The following MYO9A variants were observed in gnomAD, a reference collection of about 807,000 sequenced individuals.
MYO9A encodes unconventional myosin-IXa.
In MYO9A, 103 loss-of-function variants were observed where a neutral mutation model predicts 293.3. That is an observed-to-expected ratio of 0.35 (90% confidence interval 0.30 to 0.41). The LOEUF (loss-of-function observed/expected upper bound fraction) is 0.41, where lower values mean the gene tolerates loss of function less well. Ranked by LOEUF, MYO9A falls within the 10% of genes least tolerant of loss-of-function variation. The probability of loss-of-function intolerance (pLI) is 1.00; values close to 1 mark genes in which losing one functional copy is unlikely to be tolerated. For synonymous variants in MYO9A, 1,001 were observed against 1,035.7 expected, an observed-to-expected ratio of 0.97 and a Z score of 0.64; for missense variants, 2,685 against 3,033.0, an observed-to-expected ratio of 0.89 and a Z score of 2.69.
chr15:72,064,471 T>C (rs1342716349), intron 1 of MYO9A, among the ~76,000 whole-genome samples: 1 of 152,110 alleles, frequency 6.6e-6, no homozygotes, highest in Non-Finnish European at 1.5e-5. Context: ...AATTAAAGTT[T>C]TAAAAAGCAT....
intron 27 of MYO9A, among the ~76,000 whole-genome samples, chr15:71,886,194 TAAAA>T (rs34921688): frequency 7.1e-5 from 9 of 127,158 alleles, no homozygotes; most frequent in Admixed American, 7.9e-5. Context: ...TAAAGTAGGG[TAAAA>T]AAAAAAAAAA....
At chr15:71,934,794 T>TTTTTTTTTTTTTTTTTTTTTTTG (rs2058587723) in intron 17 of MYO9A, among the ~76,000 whole-genome samples, 1 of 138,454 alleles carries the variant, frequency 7.2e-6, no homozygotes, top group African/African-American at 2.7e-5. Flanking sequence ...TTCTTTTTTT[T>TTTTTTTTTTTTTTTTTTTTTTTG]TTTTTTTTTT....
intron 39 of MYO9A, among the ~76,000 whole-genome samples, chr15:71,831,785 C>T (rs762173831): frequency 5.3e-5 from 8 of 151,978 alleles, no homozygotes; most frequent in Non-Finnish European, 1.0e-4. Flanking sequence ...GGAGACAGGA[C>T]AATGTAAATG....
chr15:71,899,842 C>T lies in MYO9A; in HGVS notation c.3315G>A (p.Gln1105=). The change falls in exon 24 of 42, where the codon CAG becomes CAA. Residue 1105 remains glutamine, a synonymous_variant. Coordinates refer to ENST00000356056, the MANE Select transcript of MYO9A (RefSeq NM_006901.4). Reference sequence around the variant, plus strand: ...GCCTATAGTAATCTCTCCATTTCTGCTGGATAACGATGGCTGCAGCCCGTA... The same window carrying T: ...GCCTATAGTAATCTCTCCATTTCTGTTGGATAACGATGGCTGCAGCCCGTA... ...LELRAAAIVI[Q]QKWRDYYRRR... The T allele has an allele frequency of 6.2e-7, 1 of 1,614,136 alleles. No individual in the cohort carries two copies.
intron 13 of MYO9A, among the ~76,000 whole-genome samples, chr15:71,960,754 A>T (rs1004772649): frequency 6.6e-6 from 1 of 152,216 alleles, no homozygotes; most frequent in African/African-American, 2.4e-5. Context: ...GCAGCTTGTT[A>T]AACTCTGGTC....
At position 72,025,070 on chromosome 15, in the gene MYO9A, A is replaced by G. The variant is rs79633458; in HGVS notation, c.998+2661T>C. On this transcript the variant is annotated intron_variant, in intron 4 of 41. Coordinates refer to ENST00000356056, the MANE Select transcript of MYO9A (RefSeq NM_006901.4). ...AAAGGAAAATGTATGGTCCAACTGC[A>G]TACTGTTTACAAGAGACAAGCTTTA... Among the ~76,000 whole-genome samples the G allele has an allele frequency of 3.2e-4, 49 of 152,328 alleles. No individual in the cohort carries two copies. The East Asian group carries it at 9.2e-3, about 29-fold the overall frequency.
chr15:71,867,340 A>ATT (rs2056363716), intron 32 of MYO9A, among the ~76,000 whole-genome samples: 1 of 152,186 alleles, frequency 6.6e-6, no homozygotes, highest in African/African-American at 2.4e-5. Flanking sequence ...TGAAGTGAGG[A>ATT]AAGTCTTAAC....
chr15:71,910,152 G>C (rs371752136), intron 19 of MYO9A, among the ~76,000 whole-genome samples: 1 of 50,008 alleles, frequency 2.0e-5, no homozygotes, highest in Non-Finnish European at 4.3e-5. Flanking sequence ...ACGTGTGTGT[G>C]TATATATATA....
At chr15:72,048,542 T>C (rs2078461011) in intron 1 of MYO9A, among the ~76,000 whole-genome samples, 1 of 152,240 alleles carries the variant, frequency 6.6e-6, no homozygotes, top group African/African-American at 2.4e-5. Flanking sequence ...ATTCCATCTA[T>C]GGATCTGTAC....
chr15:71,850,765 C>CAAAAAAAAAAAAA lies in MYO9A; in HGVS notation c.6581+475_6581+487dup, dbSNP rs780727961. Among the ~76,000 whole-genome samples, 33 of 44,124 alleles carry CAAAAAAAAAAAAA rather than the reference C, an allele frequency of 7.5e-4. 3 individuals are homozygous for CAAAAAAAAAAAAA. Among genetic ancestry groups the CAAAAAAAAAAAAA allele is most frequent in the Non-Finnish European group, 1.1e-3 (27 of 24,764 alleles). The allele number at this position is 44,124 out of a possible 152,430, so 28.9% of individuals were successfully genotyped here. On this transcript the variant is annotated intron_variant, in intron 37 of 41. Coordinates refer to ENST00000356056, the MANE Select transcript of MYO9A (RefSeq NM_006901.4). ...TGGGTGACAGACTGAAACTGTGTCT[C>CAAAAAAAAAAAAA]AAAAAAAAAAAAAAAAAAAAAAAAA...
chr15:71,979,117 TTC>T (rs869091664), intron 11 of MYO9A, among the ~76,000 whole-genome samples: 2 of 148,292 alleles, frequency 1.3e-5, no homozygotes, highest in Non-Finnish European at 3.0e-5. Context: ...GATTTTGAAA[TTC>T]TTTTTTGTTG....
intron 35 of MYO9A, 102 bp from the exon 36 acceptor site, chr15:71,852,362 C>CTTT (rs1159987320): frequency 3.8e-4 from 233 of 613,616 alleles, no homozygotes; most frequent in South Asian, 5.0e-4. Context: ...CTTCATGTTT[C>CTTT]TTTTTTTTTT....
intron 8 of MYO9A, among the ~76,000 whole-genome samples, chr15:72,005,741 T>C (rs1002353070): frequency 6.6e-6 from 1 of 152,182 alleles, no homozygotes; most frequent in Non-Finnish European, 1.5e-5. Context: ...GAGGTATCTA[T>C]TGCTCTCAAA....
intron 1 of MYO9A, among the ~76,000 whole-genome samples, chr15:72,083,144 T>C (rs1342640740): frequency 6.6e-6 from 1 of 152,152 alleles, no homozygotes; most frequent in African/African-American, 2.4e-5. Flanking sequence ...TGAATCCATC[T>C]GGTCCTGGGC....
intron 13 of MYO9A, among the ~76,000 whole-genome samples, chr15:71,967,498 T>C (rs572058361): frequency 1.3e-5 from 2 of 152,314 alleles, no homozygotes; most frequent in South Asian, 4.1e-4. Flanking sequence ...AATAGCAGGC[T>C]TAAACATCAA....
At chr15:72,070,239 C>T (rs1051044066) in intron 1 of MYO9A, among the ~76,000 whole-genome samples, 3 of 151,254 alleles carry the variant, frequency 2.0e-5, no homozygotes, top group Non-Finnish European at 4.4e-5. Context: ...GCCACGAGTT[C>T]GAGACCAGCC....
At chr15:71,884,221 C>T (rs1041289814) in intron 27 of MYO9A, among the ~76,000 whole-genome samples, 1 of 152,116 alleles carries the variant, frequency 6.6e-6, no homozygotes, top group African/African-American at 2.4e-5. Flanking sequence ...TTGTCATTTC[C>T]TTCCAGTCTT....
chr15:72,100,988 CT>C (rs1428332296), intron 1 of MYO9A, among the ~76,000 whole-genome samples: 1 of 134,730 alleles, frequency 7.4e-6, no homozygotes, highest in Non-Finnish European at 1.7e-5. Flanking sequence ...AGCCCCCCGC[CT>C]GGCCAGCCGC....
chr15:72,100,641 GC>G (rs1313441961), intron 1 of MYO9A, among the ~76,000 whole-genome samples: 1 of 151,186 alleles, frequency 6.6e-6, no homozygotes, highest in Non-Finnish European at 1.5e-5. Flanking sequence ...GAGCACCTCT[GC>G]CCCGCCACGA....
Sources: gnomAD v4.1 joint callset for allele counts (sites outside exome capture counted in the v4.1 genomes callset) on GRCh38, gnomAD v4.1.1 for gene constraint, MANE v1.5 for transcripts, NCBI Gene and HGNC (gene_info 2026-07-23, HGNC 2026-07-21) for gene names.